The following SLC71A1 variants were observed in gnomAD, a reference collection of about 807,000 sequenced individuals.
The protein encoded by SLC71A1 is hippocampus abundant gene transcript 1.
the SLC71A1 span, among the ~76,000 whole-genome samples, chr1:100,072,782 T>C: frequency 5.9e-5 from 9 of 152,166 alleles, no homozygotes; most frequent in Non-Finnish European, 1.2e-4. Flanking sequence ...CATTACTTCC[T>C]GGGCACCGGT....
chr1:100,049,604 G>T, the SLC71A1 span, among the ~76,000 whole-genome samples: 1 of 151,964 alleles, frequency 6.6e-6, no homozygotes, highest in African/African-American at 2.4e-5. Flanking sequence ...CTATACCTCC[G>T]CCTGTCTAAC....
chr1:100,063,512 G>A, the SLC71A1 span, among the ~76,000 whole-genome samples: 1 of 151,774 alleles, frequency 6.6e-6, no homozygotes, highest in Non-Finnish European at 1.5e-5. Context: ...AAAAAAAAAA[G>A]TTGGAGGGGC....
the SLC71A1 span, among the ~76,000 whole-genome samples, chr1:100,048,529 A>G: frequency 6.6e-6 from 1 of 152,126 alleles, no homozygotes; most frequent in African/African-American, 2.4e-5. Context: ...TCCATTTGAT[A>G]CTAGGCATCA....
the SLC71A1 span, among the ~76,000 whole-genome samples, chr1:100,059,144 GTTTTTTTT>G: frequency 1.9e-4 from 14 of 75,426 alleles, no homozygotes; most frequent in African/African-American, 5.9e-4. Context: ...TCTTTTTCGT[GTTTTTTTT>G]TTTTTTTTTT....
the SLC71A1 span, chr1:100,061,970 C>G: frequency 7.5e-7 from 1 of 1,330,228 alleles, no homozygotes; most frequent in Non-Finnish European, 1.1e-6. Flanking sequence ...TTATTCTATA[C>G]CTTTTGTATC....
chr1:100,067,116 G>A, the SLC71A1 span, among the ~76,000 whole-genome samples: 1 of 152,098 alleles, frequency 6.6e-6, no homozygotes, highest in Non-Finnish European at 1.5e-5. Flanking sequence ...GAGATTACAG[G>A]CATGAACCAT....
the SLC71A1 span, among the ~76,000 whole-genome samples, chr1:100,038,725 G>A: frequency 2.0e-5 from 3 of 152,218 alleles, no homozygotes; most frequent in African/African-American, 7.2e-5. Context: ...GCTTGTCAAG[G>A]GGCTGGGAAC....
At chr1:100,071,921 G>C in the SLC71A1 span, among the ~76,000 whole-genome samples, 1 of 152,210 alleles carries the variant, frequency 6.6e-6, no homozygotes, top group South Asian at 2.1e-4. Context: ...GTATTGGAAA[G>C]ATCAGTGCAG....
chr1:100,067,095 C>T, the SLC71A1 span, among the ~76,000 whole-genome samples: 1 of 152,060 alleles, frequency 6.6e-6, no homozygotes. Context: ...ACCTTGGCCT[C>T]CCCAAGTGCT....
the SLC71A1 span, among the ~76,000 whole-genome samples, chr1:100,070,070 A>G: frequency 6.6e-6 from 1 of 152,188 alleles, no homozygotes; most frequent in Admixed American, 6.5e-5. Flanking sequence ...TAGAGTTTAC[A>G]TTCTGGTGGG....
the SLC71A1 span, chr1:100,049,765 G>A: frequency 9.8e-6 from 5 of 509,794 alleles, no homozygotes; most frequent in Admixed American, 3.7e-5. Flanking sequence ...GAAGACAGAG[G>A]CAGTGAGTAC....
the SLC71A1 span, among the ~76,000 whole-genome samples, chr1:100,073,026 C>T: frequency 6.6e-6 from 1 of 152,120 alleles, no homozygotes. Flanking sequence ...GCCCGCCACC[C>T]CTATGCTCCT....
the SLC71A1 span, chr1:100,038,271 C>G: frequency 1.3e-6 from 2 of 1,561,434 alleles, no homozygotes. Flanking sequence ...CCGCGAACCG[C>G]AGTATCATGC....
At chr1:100,074,780 C>T in the SLC71A1 span, among the ~76,000 whole-genome samples, 1 of 152,170 alleles carries the variant, frequency 6.6e-6, no homozygotes, top group African/African-American at 2.4e-5. Context: ...GAGGCTGAGG[C>T]AGAAAAATCG....
chr1:100,066,988 CAAAAAA>C, the SLC71A1 span, among the ~76,000 whole-genome samples: 2 of 69,304 alleles, frequency 2.9e-5, no homozygotes, highest in Non-Finnish European at 4.9e-5. Flanking sequence ...GACTCCGTCT[CAAAAAA>C]AAAAAAAAAA....
chr1:100,067,929 G>A, the SLC71A1 span: 1 of 1,478,594 alleles, frequency 6.8e-7, no homozygotes. Context: ...GTGGTGTTGA[G>A]GAAAAAAGTA....
the SLC71A1 span, among the ~76,000 whole-genome samples, chr1:100,048,503 AT>A: frequency 1.6e-3 from 243 of 152,072 alleles, 2 homozygotes; most frequent in Non-Finnish European, 2.8e-3. Context: ...TTTTGACCTT[AT>A]ATTACTATGC....
At chr1:100,057,417 C>T in the SLC71A1 span, among the ~76,000 whole-genome samples, 7 of 148,946 alleles carry the variant, frequency 4.7e-5, no homozygotes, top group South Asian at 2.1e-4. Context: ...TGTGGTGGCA[C>T]GATCTCAGCT....
At chr1:100,038,594 C>T in the SLC71A1 span, among the ~76,000 whole-genome samples, 1 of 152,152 alleles carries the variant, frequency 6.6e-6, no homozygotes, top group South Asian at 2.1e-4. Context: ...CCTCGAACCC[C>T]ACGTGCGCCT....
Sources: allele counts gnomAD v4.1 joint callset (sites outside exome capture counted in the v4.1 genomes callset), GRCh38; gene constraint gnomAD v4.1.1; transcripts MANE v1.5; gene names NCBI Gene and HGNC (gene_info 2026-07-23, HGNC 2026-07-21).